The following XPO5 variants were observed in gnomAD, a reference collection of about 807,000 sequenced individuals.
The protein encoded by XPO5 is exportin-5.
Under a neutral mutation model 160.6 loss-of-function variants are expected in XPO5, and 46 were observed. That is an observed-to-expected ratio of 0.29 (90% CI 0.23 to 0.37). The LOEUF (loss-of-function observed/expected upper bound fraction) is 0.37. XPO5 is among the 10% of genes least tolerant of loss of function. XPO5 has a pLI of 1.00. For missense variants in XPO5, 1,090 were observed against 1,463.9 expected, an observed-to-expected ratio of 0.74 and a Z score of 4.17; for synonymous variants, 537 against 519.3, an observed-to-expected ratio of 1.03 and a Z score of -0.46.
intron 14 of XPO5, among the ~76,000 whole-genome samples, chr6:43,551,666 A>C (rs566490689): frequency 6.6e-6 from 1 of 152,146 alleles, no homozygotes; most frequent in Non-Finnish European, 1.5e-5. Flanking sequence ...CTAGGACTAC[A>C]GGCGGGCACC....
rs574951919 is a variant in XPO5, at chr6:43,523,454, C to T, written c.*414G>A. On this transcript the variant is annotated 3_prime_UTR_variant, in exon 32 of 32. Coordinates refer to ENST00000265351, the MANE Select transcript of XPO5 (RefSeq NM_020750.3). Reference sequence around the variant, plus strand: ...GAGTGGTCCAAGAGAAACTCTGGCACAAGTAGTTGAGGGCTGTGCTCTTGC... The same window carrying T: ...GAGTGGTCCAAGAGAAACTCTGGCATAAGTAGTTGAGGGCTGTGCTCTTGC... 2.6e-5 allele frequency: 9 copies of T among 342,930 alleles called. No homozygotes were observed. Among genetic ancestry groups the T allele is most frequent in the South Asian group, 1.9e-4 (8 of 43,212 alleles). The allele number at this position is 342,930 out of a possible 1,614,324, so 21.2% of individuals were successfully genotyped here. A position where few individuals can be genotyped will look rare whatever the true frequency, so the allele number is the denominator to read the frequency against.
chr6:43,530,526 C>T, intron 23 of XPO5, 162 bp downstream of exon 23: 1 of 844,618 alleles, frequency 1.2e-6, no homozygotes, highest in Non-Finnish European at 1.7e-6. Context: ...TTCATGTTTT[C>T]CCTGCAATCT....
At chr6:43,571,116 A>AGGTTC in intron 3 of XPO5, 122 bp from the exon 4 acceptor site, 4 of 987,198 alleles carry the variant, frequency 4.1e-6, no homozygotes, top group Non-Finnish European at 5.9e-6. Context: ...CAAACAGAAC[A>AGGTTC]AATGAACCTG....
intron 11 of XPO5, among the ~76,000 whole-genome samples, 196 bp downstream of exon 11, chr6:43,559,982 A>G (rs551929800): frequency 6.6e-6 from 1 of 152,212 alleles, no homozygotes; most frequent in East Asian, 1.9e-4. Flanking sequence ...ATGCCCTGCT[A>G]ATTTTTTTGT....
At position 43,555,862 on chromosome 6, in the gene XPO5, G is replaced by C. The variant is rs771227200; in HGVS notation, c.1415C>G (p.Thr472Ser). 6.2e-7 allele frequency: 1 copy of C among 1,613,916 alleles called. No individual in the cohort carries two copies. Among genetic ancestry groups the C allele is most frequent in the South Asian group, 1.1e-5 (1 of 91,088 alleles). The change falls in exon 13 of 32, where the codon ACT becomes AGT. Residue 472 changes from threonine (T) to serine (S), a missense_variant. By Grantham distance (58) the Thr-to-Ser change is moderately conservative. This residue lies in a region of XPO5 where 810 missense variants were observed against 1,139.0 expected (regional missense o/e 0.71). Coordinates refer to ENST00000265351, the MANE Select transcript of XPO5 (RefSeq NM_020750.3). Reference protein sequence around the residue: ...AGEWLKYQLSTFLDAGSVNSC... With the variant: ...AGEWLKYQLSSFLDAGSVNSC... The stretch of plus-strand genomic sequence containing the variant: ...ATTCACAGAACCAGCATCAAGAAAA[G>C]TTGATAGTTGATACTTTAGCCACTC...
At chr6:43,537,181 A>G (rs1561869688) in intron 20 of XPO5, among the ~76,000 whole-genome samples, 1 of 142,666 alleles carries the variant, frequency 7.0e-6, no homozygotes, top group African/African-American at 2.7e-5. Context: ...TGTGTTGCCC[A>G]GGCTGGTCTC....
chr6:43,559,692 ACT>A (rs1268517412), intron 11 of XPO5, among the ~76,000 whole-genome samples: 1 of 152,238 alleles, frequency 6.6e-6, no homozygotes, highest in African/African-American at 2.4e-5. Flanking sequence ...TATATTAAGT[ACT>A]CTCATATGGA....
At chr6:43,528,065 C>G in intron 25 of XPO5, 94 bp downstream of exon 25, 1 of 1,295,686 alleles carries the variant, frequency 7.7e-7, no homozygotes, top group Admixed American at 2.1e-5. Flanking sequence ...TGCTCTTCTA[C>G]CCTGGGACAG....
At chr6:43,562,466 T>G in intron 8 of XPO5, 120 bp from the exon 9 acceptor site, 8 of 766,914 alleles carry the variant, frequency 1.0e-5, no homozygotes, top group Non-Finnish European at 1.7e-5. Context: ...AGAATTCCAA[T>G]AGCTTTGCTA....
At position 43,557,783 on chromosome 6, in the gene XPO5, TAAAA is replaced by T. The variant is rs59661301; in HGVS notation, c.1312+714_1312+717del. On this transcript the variant is annotated intron_variant, in intron 12 of 31. Transcript: ENST00000265351. The stretch of plus-strand genomic sequence containing the variant: ...AATGAATTTTGTCTCAATAAAGCTG[TAAAA>T]AAAAAAAAAAAAAAAAAAAAAAGGA... Among the ~76,000 whole-genome samples, 72 of 87,234 alleles carry T rather than the reference TAAAA, an allele frequency of 8.3e-4. 1 individual carries two copies. The highest frequency in any genetic ancestry group is 7.4e-3 in the Middle Eastern group (1 of 136). 57.2% of individuals were successfully genotyped at this position (87,234 alleles called of 152,430 possible). A position where few individuals can be genotyped will look rare whatever the true frequency, so the allele number is the denominator to read the frequency against.
At chr6:43,538,754 T>A in intron 20 of XPO5, 1 of 579,228 alleles carries the variant, frequency 1.7e-6, no homozygotes, top group Admixed American at 3.6e-5. Context: ...AAATGAGTTA[T>A]GGAGCACTAC....
At chr6:43,552,611 C>T (rs1288360117) in intron 14 of XPO5, among the ~76,000 whole-genome samples, 1 of 152,144 alleles carries the variant, frequency 6.6e-6, no homozygotes, top group East Asian at 1.9e-4. Context: ...CCTTGGCCTC[C>T]CAAAGTGCTG....
intron 3 of XPO5, 80 bp downstream of exon 3, chr6:43,572,426 T>C (rs751144127): frequency 7.1e-7 from 1 of 1,416,980 alleles, no homozygotes; most frequent in Admixed American, 1.7e-5. Flanking sequence ...CAGTGAATTT[T>C]TACACAAACT....
In XPO5 at chr6:43,523,853, G is replaced by A. The variant is rs746915857; in HGVS notation, c.*15C>T. 9 of 1,613,850 alleles carry A rather than the reference G, an allele frequency of 5.6e-6. No homozygotes were observed. The highest frequency in any genetic ancestry group is 6.8e-6 in the Non-Finnish European group (8 of 1,179,872). On this transcript the variant is annotated 3_prime_UTR_variant, in exon 32 of 32. Coordinates refer to ENST00000265351, the MANE Select transcript of XPO5 (RefSeq NM_020750.3). ...ATGACAAGAAAGGCCGAGGAAGGAT[G>A]CCCAAAAGCTTGATTCAGGGTTCAA...
intron 20 of XPO5, among the ~76,000 whole-genome samples, chr6:43,538,616 A>G (rs1334947567): frequency 1.3e-5 from 2 of 152,208 alleles, no homozygotes; most frequent in African/African-American, 4.8e-5. Context: ...TAAAAGACTT[A>G]TTACTAGCTC....
At chr6:43,568,590 TA>T in intron 6 of XPO5, 120 bp downstream of exon 6, 2 of 875,618 alleles carry the variant, frequency 2.3e-6, no homozygotes, top group Non-Finnish European at 3.3e-6. Context: ...TGGGCAACAG[TA>T]AGACCTGTCT....
At chr6:43,548,565 A>C (rs1795075497) in intron 17 of XPO5, 105 bp from the exon 18 acceptor site, 1 of 1,042,176 alleles carries the variant, frequency 9.6e-7, no homozygotes, top group African/African-American at 1.6e-5. Flanking sequence ...GTCCCAGGAA[A>C]GTCAGGCCTA....
intron 27 of XPO5, 154 bp from the exon 28 acceptor site, chr6:43,526,075 C>T: frequency 1.4e-6 from 1 of 690,608 alleles, no homozygotes; most frequent in Non-Finnish European, 2.4e-6. Context: ...CCACATAATG[C>T]CCATGCCCAT....
intron 9 of XPO5, 77 bp downstream of exon 9, chr6:43,562,170 C>T: frequency 4.3e-6 from 5 of 1,150,632 alleles, no homozygotes; most frequent in Non-Finnish European, 6.3e-6. Flanking sequence ...CATTTGCAAC[C>T]CCTCATTGAA....
Sources: gnomAD v4.1 joint callset for allele counts (sites outside exome capture counted in the v4.1 genomes callset) on GRCh38, gnomAD v4.1.1 for gene constraint, gnomAD v4.1.1 regional missense constraint, MANE v1.5 for transcripts, NCBI Gene and HGNC (gene_info 2026-07-23, HGNC 2026-07-21) for gene names.